The following ASH1L variants were observed in gnomAD, a reference collection of about 807,000 sequenced individuals.
ASH1L encodes the protein ASH1 like histone lysine methyltransferase.
In ASH1L, 23 loss-of-function variants were observed where a neutral mutation model predicts 269.0. That is an observed-to-expected ratio of 0.09 (90% CI 0.06 to 0.12). ASH1L has a LOEUF of 0.12. ASH1L is among the 10% of genes least tolerant of loss of function. ASH1L has a pLI of 1.00. For missense variants in ASH1L, 2,912 were observed against 3,567.8 expected, an observed-to-expected ratio of 0.82 and a Z score of 4.68; for synonymous variants, 1,187 against 1,253.5, an observed-to-expected ratio of 0.95 and a Z score of 1.12.
At chr1:155,506,682 G>A (rs904236294) in intron 2 of ASH1L, among the ~76,000 whole-genome samples, 10 of 152,170 alleles carry the variant, frequency 6.6e-5, no homozygotes, top group African/African-American at 1.7e-4. Flanking sequence ...GCAATGGACC[G>A]AGACTCCATC....
chr1:155,556,811 G>A (rs943017088), intron 1 of ASH1L, among the ~76,000 whole-genome samples: 3 of 152,116 alleles, frequency 2.0e-5, no homozygotes, highest in Non-Finnish European at 4.4e-5. Flanking sequence ...CAATTTGGGA[G>A]TCTGAAGAGG....
At chr1:155,401,845 T>G (rs1035708478) in intron 6 of ASH1L, among the ~76,000 whole-genome samples, 1 of 148,986 alleles carries the variant, frequency 6.7e-6, no homozygotes, top group East Asian at 2.0e-4. Flanking sequence ...TCCCAGCACT[T>G]TGGGAGGCCA....
chr1:155,506,779 A>G (rs1667844440), intron 2 of ASH1L, among the ~76,000 whole-genome samples: 1 of 151,832 alleles, frequency 6.6e-6, no homozygotes, highest in Admixed American at 6.6e-5. Flanking sequence ...TTTAAGTCTA[A>G]TACTTGGATT....
intron 2 of ASH1L, among the ~76,000 whole-genome samples, chr1:155,496,046 C>T (rs949077745): frequency 5.9e-5 from 9 of 151,942 alleles, no homozygotes; most frequent in African/African-American, 2.2e-4. Context: ...CCTTAGCTTC[C>T]TTTTTTACTT....
intron 2 of ASH1L, among the ~76,000 whole-genome samples, chr1:155,487,078 T>G (rs1013141939): frequency 3.3e-5 from 5 of 152,096 alleles, no homozygotes; most frequent in African/African-American, 1.2e-4. Context: ...GGCAGGATAA[T>G]CGCTTGAACC....
chr1:155,408,467 A>C (rs916256304), intron 6 of ASH1L, among the ~76,000 whole-genome samples: 2 of 152,190 alleles, frequency 1.3e-5, no homozygotes, highest in Non-Finnish European at 2.9e-5. Context: ...CACTAAAAGA[A>C]ACCAAAGCTC....
intron 5 of ASH1L, among the ~76,000 whole-genome samples, chr1:155,426,540 A>T (rs1661172549): frequency 6.6e-6 from 1 of 152,246 alleles, no homozygotes; most frequent in African/African-American, 2.4e-5. Context: ...GGGTTTCACC[A>T]TGTTGGCCAG....
intron 1 of ASH1L, among the ~76,000 whole-genome samples, chr1:155,552,595 G>A (rs781615093): frequency 1.3e-5 from 2 of 152,114 alleles, no homozygotes; most frequent in Admixed American, 1.3e-4. Context: ...GCAGTGAGCC[G>A]AGATCGCACC....
At chr1:155,455,201 C>T (rs1663789254) in intron 4 of ASH1L, among the ~76,000 whole-genome samples, 1 of 152,086 alleles carries the variant, frequency 6.6e-6, no homozygotes, top group Non-Finnish European at 1.5e-5. Flanking sequence ...TAAACTTTAA[C>T]AGAGTATTTG....
chr1:155,404,210 T>C (rs1285610768), intron 6 of ASH1L, among the ~76,000 whole-genome samples: 1 of 151,614 alleles, frequency 6.6e-6, no homozygotes. Context: ...AAAAAATTAG[T>C]CCAGTGTGGT....
At chr1:155,517,869 C>T (rs1426521488) in intron 2 of ASH1L, among the ~76,000 whole-genome samples, 1 of 124,512 alleles carries the variant, frequency 8.0e-6, no homozygotes, top group Non-Finnish European at 1.6e-5. Context: ...GGCGGGATCT[C>T]GGCTCACTGC....
chr1:155,402,984 C>G (rs1658980220), intron 6 of ASH1L, among the ~76,000 whole-genome samples: 1 of 150,818 alleles, frequency 6.6e-6, no homozygotes, highest in South Asian at 2.1e-4. Flanking sequence ...TCAAGACCAG[C>G]CTGGCCAACA....
chr1:155,380,667 G>C (rs914481934), intron 7 of ASH1L, among the ~76,000 whole-genome samples: 2 of 150,946 alleles, frequency 1.3e-5, no homozygotes, highest in Non-Finnish European at 2.9e-5. Context: ...TTTCGCTCTT[G>C]CTGCCCAGGC....
At chr1:155,371,935 C>T (rs1203432258) in intron 10 of ASH1L, among the ~76,000 whole-genome samples, 1 of 151,878 alleles carries the variant, frequency 6.6e-6, no homozygotes, top group East Asian at 1.9e-4. Context: ...CTCAGGTGAT[C>T]CGCCTGCCTC....
At chr1:155,458,692 G>C (rs947240067) in intron 4 of ASH1L, among the ~76,000 whole-genome samples, 7 of 152,082 alleles carry the variant, frequency 4.6e-5, no homozygotes, top group Non-Finnish European at 1.0e-4. Context: ...ACTCCAGCCT[G>C]GGCAACAGAG....
intron 5 of ASH1L, among the ~76,000 whole-genome samples, chr1:155,422,806 C>G (rs536055268): frequency 1.3e-5 from 2 of 151,712 alleles, no homozygotes; most frequent in Admixed American, 1.3e-4. Flanking sequence ...CCCGCTACCA[C>G]GCCTGGCTAT....
Position 155,370,849 on chromosome 1 carries a change from G to A in ASH1L, c.6467C>T (p.Thr2156Ile), listed in dbSNP as rs750802126. The A allele has an allele frequency of 6.2e-7, 1 of 1,614,016 alleles. No individual in the cohort carries two copies. The highest frequency in any genetic ancestry group is 1.1e-5 in the South Asian group (1 of 91,074). The stretch of plus-strand genomic sequence containing the variant: ...CTGCCCAGCTTTTAGGGGCTCTTTG[G>A]TTCTGATTCCCCAACCTTTTTCCTC... ...RAEEKGWGIRTKEPLKAGQFI... is the reference protein window; with the variant it reads ...RAEEKGWGIRIKEPLKAGQFI... Residue 2156 changes from threonine (T) to isoleucine (I), a missense_variant, in exon 11 of 28, where the codon ACC becomes ATC. Thr to Ile is a moderately conservative substitution (Grantham distance 89). Coordinates refer to ENST00000392403, the MANE Select transcript of ASH1L (RefSeq NM_018489.3).
Position 155,338,287 on chromosome 1 carries a change from C to T in ASH1L, c.8605G>A (p.Ala2869Thr), listed in dbSNP as rs1380648843. The change falls in exon 27 of 28, where the codon GCA becomes ACA. Residue 2869 changes from alanine to threonine, a missense_variant. Physicochemically the swap from Ala to Thr is moderately conservative, Grantham distance 58. This residue lies in a region of ASH1L where 154 missense variants were observed against 165.0 expected (regional missense o/e 0.93). Transcript: ENST00000392403. ...TCCAGGCTGGGTATCTCATTGGCTGCTTGCTCTTGACTGGCTAGAACCTCT... is the reference window on the plus strand; with the variant it reads ...TCCAGGCTGGGTATCTCATTGGCTGTTTGCTCTTGACTGGCTAGAACCTCT... ...IEEVLASQEQ[A>T]ANEIPSLEEP... 6.2e-7 allele frequency: 1 copy of T among 1,613,994 alleles called. No homozygotes were observed. Among genetic ancestry groups the T allele is most frequent in the South Asian group, 1.1e-5 (1 of 91,070 alleles).
chr1:155,436,514 T>TTTTTG (rs1662108863), intron 5 of ASH1L, among the ~76,000 whole-genome samples: 2 of 142,880 alleles, frequency 1.4e-5, no homozygotes, highest in Non-Finnish European at 1.5e-5. Context: ...TTTTTTTTTT[T>TTTTTG]GAGAAGGAGT....
Sources: gnomAD v4.1 joint callset for allele counts (sites outside exome capture counted in the v4.1 genomes callset) on GRCh38, gnomAD v4.1.1 for gene constraint, gnomAD v4.1.1 regional missense constraint, MANE v1.5 for transcripts, NCBI Gene and HGNC (gene_info 2026-07-23, HGNC 2026-07-21) for gene names.